The following MYO15B variants were observed in gnomAD, a reference collection of about 807,000 sequenced individuals.
MYO15B encodes myosin XVB, also known as myosin XVB pseudogene.
MYO15B carries 207 observed loss-of-function variants against 119.3 expected under a neutral mutation model. That is an observed-to-expected ratio of 1.73 (90% CI 1.55 to 1.95). The LOEUF is 1.95. Among genes scored for constraint, MYO15B ranks in the 30% most tolerant of loss-of-function variants. The pLI is 0.00. For synonymous variants in MYO15B, 966 were observed against 498.9 expected, an observed-to-expected ratio of 1.94 and a Z score of -12.48; for missense variants, 2,264 against 1,203.1, an observed-to-expected ratio of 1.88 and a Z score of -13.04.
Position 75,611,896 on chromosome 17 carries a change from C to T in MYO15B, c.4515C>T (p.Asp1505=), listed in dbSNP as rs536977704. 4.7e-5 allele frequency: 33 copies of T among 702,938 alleles called. No homozygotes were observed. In the Middle Eastern group the frequency reaches 6.9e-4, roughly 15 times the overall value. The allele number at this position is 702,938 out of a possible 1,614,324, so 43.5% of individuals were successfully genotyped here. ...GGTGCTTGTTCCCAGGCCATCGGGA[C>T]GCCCTGGCTGGGAGCATCACCGAGT... is the stretch of plus-strand genomic sequence containing the variant. The change falls in exon 25 of 64, where the codon GAC becomes GAT. Residue 1505 remains aspartate, a synonymous_variant. Coordinates refer to ENST00000645453, the Ensembl canonical transcript of MYO15B.
chr17:75,608,627 C>T (rs897169610), intron 21 of MYO15B, among the ~76,000 whole-genome samples: 1 of 151,946 alleles, frequency 6.6e-6, no homozygotes. Context: ...AGCATGATCT[C>T]AGCTCACTGC....
intron 9 of MYO15B, among the ~76,000 whole-genome samples, chr17:75,594,089 C>CA (rs5822095): frequency 0.58 from 62,209 of 106,974 alleles, 18,275 homozygotes; most frequent in East Asian, 0.77. Context: ...GACCCTGTCT[C>CA]AAAAAAAAAA....
exon 1 of MYO15B, chr17:75,588,408 A>G: frequency 2.5e-6 from 1 of 398,436 alleles, no homozygotes; most frequent in Non-Finnish European, 4.4e-6. Context: ...GCCTCTCCGG[A>G]GGAGAAGAGC....
At chr17:75,603,478 TTCTC>T (rs910390706) in intron 19 of MYO15B, among the ~76,000 whole-genome samples, 166 bp downstream of exon 19, 64 of 152,202 alleles carry the variant, frequency 4.2e-4, no homozygotes, top group African/African-American at 1.5e-3. Flanking sequence ...CTCTCTCTCT[TTCTC>T]TCTCCATCTC....
intron 43 of MYO15B, 87 bp downstream of exon 43, chr17:75,618,272 A>G: frequency 1.5e-6 from 1 of 689,520 alleles, no homozygotes; most frequent in Admixed American, 2.0e-5. Context: ...CCAGGTTAAC[A>G]CCACGTAGGG....
At chr17:75,613,168 C>T (rs1199268486) in exon 27 of MYO15B, 10 of 701,266 alleles carry the variant, frequency 1.4e-5, no homozygotes, top group East Asian at 2.7e-5. Flanking sequence ...TTTTGCTCAG[C>T]GCCTTTCCCC....
Position 75,621,349 on chromosome 17 carries a change from G to GGCCAGACTGA in MYO15B, c.7877_7886dup (p.Asp2629GlufsTer4), listed in dbSNP as rs1212774851. On this transcript the variant is annotated frameshift_variant, in exon 51 of 64. Transcript: ENST00000645453. LOFTEE classifies it high-confidence loss of function. ...GTCTCCCTCTGCCCCCCACAGGCTG[G>GGCCAGACTGA]GCCAGACTGATGGAGGTGCCGCAGG... is the stretch of plus-strand genomic sequence containing the variant. 1.4e-6 allele frequency: 1 copy of GGCCAGACTGA among 700,750 alleles called. No individual in the cohort carries two copies. Among genetic ancestry groups the GGCCAGACTGA allele is most frequent in the East Asian group, 2.7e-5 (1 of 37,224 alleles). 43.4% of individuals were successfully genotyped at this position (700,750 alleles called of 1,614,324 possible). A position where few individuals can be genotyped will look rare whatever the true frequency, so the allele number is the denominator to read the frequency against.
intron 14 of MYO15B, among the ~76,000 whole-genome samples, chr17:75,600,939 T>G (rs1367956613): frequency 7.1e-6 from 1 of 141,010 alleles, no homozygotes; most frequent in Non-Finnish European, 1.5e-5. Flanking sequence ...AGTCTCGCAC[T>G]GTCACCCAGG....
intron 27 of MYO15B, 39 bp from the exon 28 acceptor site, chr17:75,613,254 A>G: frequency 3.0e-6 from 2 of 672,954 alleles, no homozygotes; most frequent in Non-Finnish European, 5.5e-6. Flanking sequence ...GGGTCGCTGG[A>G]TCACCCTGCC....
intron 52 of MYO15B, 85 bp from the exon 53 acceptor site, chr17:75,621,919 G>A (rs1436037005): frequency 4.5e-5 from 30 of 668,468 alleles, no homozygotes; most frequent in Non-Finnish European, 6.6e-5. Flanking sequence ...GATGGCAGGT[G>A]AAGGCCCTGC....
At position 75,624,923 on chromosome 17, in the gene MYO15B, CTG is replaced by C; in HGVS notation, c.8688+8_8688+9del. ...CAGCACCCACTACAGCCAGGTCAGC[CTG>C]CCTGCCTCCGAGCTGCTGCTGCAGT... On this transcript the variant is annotated splice_region_variant and intron_variant, in intron 59 of 63. Transcript: ENST00000645453. The C allele has an allele frequency of 1.4e-6, 1 of 702,096 alleles. No homozygotes were observed. The highest frequency in any genetic ancestry group is 1.5e-5 in the South Asian group (1 of 67,584). 43.5% of individuals were successfully genotyped at this position (702,096 alleles called of 1,614,324 possible).
intron 40 of MYO15B, 56 bp from the exon 41 acceptor site, chr17:75,617,029 G>A: frequency 1.4e-6 from 1 of 695,620 alleles, no homozygotes; most frequent in East Asian, 2.7e-5. Context: ...GCTCTCTGGG[G>A]CGAACTTGGC....
intron 43 of MYO15B, 198 bp from the exon 44 acceptor site, chr17:75,618,945 G>A (rs1476709430): frequency 3.3e-6 from 2 of 601,458 alleles, no homozygotes; most frequent in Non-Finnish European, 5.9e-6. Context: ...GAGGGGACAG[G>A]TGAGACGTGT....
At chr17:75,605,820 G>GCTGGCTC in intron 20 of MYO15B, 44 bp from the exon 21 acceptor site, 1 of 653,824 alleles carries the variant, frequency 1.5e-6, no homozygotes, top group Non-Finnish European at 2.8e-6. Flanking sequence ...AGCAGGAGGG[G>GCTGGCTC]CTGGCTCCTG....
Position 75,626,359 on chromosome 17 carries a change from G to A in MYO15B, c.9214-48G>A, listed in dbSNP as rs761500727. On this transcript the variant is annotated intron_variant, in intron 63 of 63. Transcript: ENST00000645453. ...GAGTGCTGTGGGCCGGGGCAGAGGC[G>A]AGGGGCTGGCTGGGGAGCCCTCTTG... The A allele has an allele frequency of 4.0e-5, 28 of 702,756 alleles. No homozygotes were observed. In the Middle Eastern group the frequency reaches 9.2e-4, roughly 23 times the overall value. 43.5% of individuals were successfully genotyped at this position (702,756 alleles called of 1,614,324 possible). A position where few individuals can be genotyped will look rare whatever the true frequency, so the allele number is the denominator to read the frequency against.
chr17:75,591,740 G>A, intron 5 of MYO15B, 28 bp downstream of exon 5: 1 of 702,820 alleles, frequency 1.4e-6, no homozygotes, highest in Non-Finnish European at 2.6e-6. Context: ...GGTACCTCAT[G>A]GGTTGAGCTG....
intron 14 of MYO15B, among the ~76,000 whole-genome samples, chr17:75,597,291 C>T (rs2056926958): frequency 1.3e-5 from 2 of 152,228 alleles, no homozygotes; most frequent in African/African-American, 4.8e-5. Flanking sequence ...GGACAAACCC[C>T]AGGGTACCAT....
chr17:75,616,422 G>A (rs2058375581), exon 38 of MYO15B: 1 of 630,148 alleles, frequency 1.6e-6, no homozygotes, highest in South Asian at 1.9e-5. Context: ...GGAGCAGGAG[G>A]AGCAAGAAGT....
At chr17:75,603,898 A>AC (rs1171239142) in intron 19 of MYO15B, among the ~76,000 whole-genome samples, 23 of 152,084 alleles carry the variant, frequency 1.5e-4, no homozygotes, top group Admixed American at 1.5e-3. Context: ...GCTGGAGTTT[A>AC]CCCCAAGCAC....
Sources: gnomAD v4.1 joint callset for allele counts (sites outside exome capture counted in the v4.1 genomes callset) on GRCh38, gnomAD v4.1.1 for gene constraint, MANE v1.5 for transcripts, NCBI Gene and HGNC (gene_info 2026-07-23, HGNC 2026-07-21) for gene names.